Variants in ARHGAP10 observed in about 807,000 individuals in gnomAD.
ARHGAP10 encodes the protein rho GTPase-activating protein 10.
In ARHGAP10, 87 loss-of-function variants were observed where a neutral mutation model predicts 108.6. That is an observed-to-expected ratio of 0.80 (90% CI 0.67 to 0.96). ARHGAP10 has a LOEUF of 0.96. ARHGAP10 is among the 40% of genes least tolerant of loss of function. ARHGAP10 has a pLI of 0.00. For synonymous variants in ARHGAP10, 347 were observed against 341.1 expected (o/e 1.02, Z -0.19); for missense variants, 939 against 954.5 (o/e 0.98, Z 0.21).
intron 20 of ARHGAP10, among the ~76,000 whole-genome samples, chr4:148,051,924 A>G (rs1729155777): frequency 6.6e-6 from 1 of 152,134 alleles, no homozygotes; most frequent in African/African-American, 2.4e-5. Flanking sequence ...GGGCAAATGA[A>G]TGGGGGGTTT....
intron 1 of ARHGAP10, among the ~76,000 whole-genome samples, chr4:147,794,782 C>T (rs1731247468): frequency 6.6e-6 from 1 of 152,164 alleles, no homozygotes; most frequent in African/African-American, 2.4e-5. Flanking sequence ...CATGCAGTAA[C>T]AAACATGTTA....
At chr4:147,973,351 A>G (rs1739481958) in intron 18 of ARHGAP10, among the ~76,000 whole-genome samples, 1 of 152,154 alleles carries the variant, frequency 6.6e-6, no homozygotes, top group Non-Finnish European at 1.5e-5. Context: ...GAACCCTCTC[A>G]GGAGTCACTG....
chr4:147,760,736 T>C (rs983060633), intron 1 of ARHGAP10, among the ~76,000 whole-genome samples: 15 of 152,144 alleles, frequency 9.9e-5, no homozygotes, highest in African/African-American at 3.6e-4. Context: ...TATTTCTTCT[T>C]TTAGGCTCAT....
chr4:147,939,864 G>GTT lies in ARHGAP10; in HGVS notation c.1269_1270dup (p.Ser424PhefsTer8). 1 of 1,614,048 alleles carries GTT rather than the reference G, an allele frequency of 6.2e-7. No individual in the cohort carries two copies. Among genetic ancestry groups the GTT allele is most frequent in the Non-Finnish European group, 8.5e-7 (1 of 1,179,936 alleles). On this transcript the variant is annotated frameshift_variant, in exon 14 of 23. Coordinates refer to ENST00000336498, the MANE Select transcript of ARHGAP10 (RefSeq NM_024605.4). LOFTEE classifies it high-confidence loss of function. ...GGATTGTACAGAGTTGTGGGGGTGA[G>GTT]TTCAAAGGTCCAGAGACTTCTGAGT...
At chr4:147,864,644 C>T (rs1734474685) in intron 5 of ARHGAP10, 1 of 494,048 alleles carries the variant, frequency 2.0e-6, no homozygotes, top group Non-Finnish European at 3.6e-6. Context: ...TCCTGTTGCA[C>T]CTGCTCAATT....
intron 16 of ARHGAP10, among the ~76,000 whole-genome samples, chr4:147,959,263 A>G (rs981983101): frequency 3.9e-5 from 6 of 152,128 alleles, no homozygotes; most frequent in African/African-American, 1.4e-4. Context: ...AGAAGAGGGA[A>G]AAAGACTTGG....
At chr4:147,908,605 A>G (rs977325559) in intron 11 of ARHGAP10, among the ~76,000 whole-genome samples, 1 of 152,228 alleles carries the variant, frequency 6.6e-6, no homozygotes, top group Admixed American at 6.5e-5. Context: ...CCAGCCTTAC[A>G]GTTCTTAAAG....
chr4:148,023,275 C>T lies in ARHGAP10; in HGVS notation c.1729C>T (p.Pro577Ser), dbSNP rs778883726. The T allele has an allele frequency of 1.2e-6, 2 of 1,613,880 alleles. No individual in the cohort carries two copies. Among genetic ancestry groups the T allele is most frequent in the Non-Finnish European group, 1.7e-6 (2 of 1,179,866 alleles). ...IENHEKIFRT[P>S]PDTTFPEPTC... is the part of the protein sequence containing the mutation. ...GCTTTGTTGGAAGATTTTTCGGACG[C>T]CGCCCGATACTACATTCCCTGAGCC... The change falls in exon 19 of 23, where the codon CCG becomes TCG. Residue 577 changes from proline to serine, a missense_variant. By Grantham distance (74) the Pro-to-Ser change is moderately conservative (BLOSUM62 -1). Coordinates refer to ENST00000336498, the MANE Select transcript of ARHGAP10 (RefSeq NM_024605.4).
chr4:147,785,217 A>G lies in ARHGAP10; in HGVS notation c.155-37510A>G, dbSNP rs534728484. Among the ~76,000 whole-genome samples, 30 of 151,944 alleles carry G rather than the reference A, an allele frequency of 2.0e-4. No homozygotes were observed. The South Asian group carries it at 6.2e-3, about 32-fold the overall frequency. ...TGTTCAGGCATCACTAAATCTAAAAATAAAATCACAAGGCTGTAGTTTTGC... is the reference window on the plus strand; with the variant it reads ...TGTTCAGGCATCACTAAATCTAAAAGTAAAATCACAAGGCTGTAGTTTTGC... On this transcript the variant is annotated intron_variant, in intron 1 of 22. Transcript: ENST00000336498.
intron 22 of ARHGAP10, among the ~76,000 whole-genome samples, chr4:148,066,858 A>T (rs1729900897): frequency 6.6e-6 from 1 of 152,212 alleles, no homozygotes; most frequent in Non-Finnish European, 1.5e-5. Context: ...GAGTTGCTAT[A>T]GACGTATGGG....
intron 16 of ARHGAP10, among the ~76,000 whole-genome samples, chr4:147,959,717 A>T (rs1034784450): frequency 6.6e-6 from 1 of 152,194 alleles, no homozygotes; most frequent in African/African-American, 2.4e-5. Flanking sequence ...TAATGGTTGC[A>T]TAGTATTTCA....
chr4:147,849,917 T>C (rs1339557575), intron 4 of ARHGAP10, among the ~76,000 whole-genome samples: 1 of 152,234 alleles, frequency 6.6e-6, no homozygotes, highest in Admixed American at 6.5e-5. Flanking sequence ...AAAAAGCCCT[T>C]TTGCTATCAC....
At chr4:147,931,185 C>CA (rs1419519700) in intron 13 of ARHGAP10, among the ~76,000 whole-genome samples, 1 of 152,140 alleles carries the variant, frequency 6.6e-6, no homozygotes, top group African/African-American at 2.4e-5. Flanking sequence ...AAGTAAGACA[C>CA]ATTTGATTTT....
intron 7 of ARHGAP10, among the ~76,000 whole-genome samples, chr4:147,871,729 T>G (rs1734831501): frequency 6.6e-6 from 1 of 152,224 alleles, no homozygotes; most frequent in South Asian, 2.1e-4. Flanking sequence ...AACTTATAAT[T>G]GGAAATTGCA....
chr4:148,053,505 A>G (rs1729232664), intron 20 of ARHGAP10, among the ~76,000 whole-genome samples: 1 of 152,216 alleles, frequency 6.6e-6, no homozygotes, highest in African/African-American at 2.4e-5. Context: ...CCCCCACAGC[A>G]GAGCTTGAGA....
intron 22 of ARHGAP10, among the ~76,000 whole-genome samples, chr4:148,068,108 G>C (rs987289691): frequency 2.0e-5 from 3 of 152,078 alleles, no homozygotes; most frequent in African/African-American, 7.2e-5. Flanking sequence ...GGTTTTGCTG[G>C]TGACCACCAG....
intron 10 of ARHGAP10, among the ~76,000 whole-genome samples, chr4:147,902,169 C>A (rs1736277145): frequency 6.6e-6 from 1 of 152,174 alleles, no homozygotes; most frequent in Non-Finnish European, 1.5e-5. Context: ...ATTTCCCAAG[C>A]CCATTCATTG....
At chr4:147,906,157 A>T (rs1283191294) in intron 10 of ARHGAP10, among the ~76,000 whole-genome samples, 1 of 152,156 alleles carries the variant, frequency 6.6e-6, no homozygotes, top group East Asian at 1.9e-4. Context: ...TGTATATTCC[A>T]TATGAACCAT....
intron 1 of ARHGAP10, 110 bp downstream of exon 1, chr4:147,732,565 C>T (rs1398498093): frequency 1.2e-5 from 18 of 1,462,460 alleles, no homozygotes; most frequent in Non-Finnish European, 1.6e-5. Context: ...GCCAGAGGAA[C>T]GGGGAATTCA....
Sources: allele counts gnomAD v4.1 joint callset (sites outside exome capture counted in the v4.1 genomes callset), GRCh38; gene constraint gnomAD v4.1.1; transcripts MANE v1.5; gene names NCBI Gene and HGNC (gene_info 2026-07-23, HGNC 2026-07-21).